The following ADAMTS16 variants were observed in gnomAD, a reference collection of about 807,000 sequenced individuals.
ADAMTS16 encodes the protein ADAM metallopeptidase with thrombospondin type 1 motif 16.
ADAMTS16 carries 94 observed loss-of-function variants against 145.8 expected under a neutral mutation model. The observed-to-expected ratio is 0.64, with a 90% CI of 0.55 to 0.77. The LOEUF is 0.77. Ranked by LOEUF, ADAMTS16 falls within the 30% of genes least tolerant of loss-of-function variation. ADAMTS16 has a pLI of 0.00. For synonymous variants in ADAMTS16, 659 were observed against 604.3 expected (o/e 1.09, Z -1.33); for missense variants, 1,585 against 1,591.5 (o/e 1.00, Z 0.07).
In ADAMTS16 at chr5:5,209,074, C is replaced by T. The variant is rs1407673592; in HGVS notation, c.1452-19C>T. 1.2e-6 allele frequency: 2 copies of T among 1,608,904 alleles called. No homozygotes were observed. Among genetic ancestry groups the T allele is most frequent in the South Asian group, 1.1e-5 (1 of 89,938 alleles). On this transcript the variant is annotated intron_variant, in intron 9 of 22. Coordinates refer to ENST00000274181, the MANE Select transcript of ADAMTS16 (RefSeq NM_139056.4). ...ACTCTACGGGCAGTTACTAGTAGCT[C>T]ATCTCCTCTTTGTTTCAGCACCGCT...
chr5:5,258,837 T>C, intron 17 of ADAMTS16, among the ~76,000 whole-genome samples: 1 of 139,098 alleles, frequency 7.2e-6, no homozygotes, highest in African/African-American at 2.5e-5. Context: ...TATGTATATG[T>C]ATATATATAT....
In ADAMTS16 at chr5:5,292,797, C is replaced by A. The variant is rs41528844; in HGVS notation, c.2790-10471C>A. On this transcript the variant is annotated intron_variant, in intron 18 of 22. Transcript: ENST00000274181. Reference sequence around the variant, plus strand: ...TGACTTCCTGCACAGCCTATCTTAACGTTCACCCCTTCTTGGGACACATTT... The same window carrying A: ...TGACTTCCTGCACAGCCTATCTTAAAGTTCACCCCTTCTTGGGACACATTT... 5.9e-5 allele frequency among the ~76,000 whole-genome samples: 9 copies of A among 152,256 alleles called. No homozygotes were observed. The East Asian group carries it at 1.2e-3, about 20-fold the overall frequency.
chr5:5,178,426 T>C (rs1398109837), intron 3 of ADAMTS16, among the ~76,000 whole-genome samples: 11 of 152,228 alleles, frequency 7.2e-5, no homozygotes, highest in African/African-American at 2.2e-4. Context: ...TTCTTCATTC[T>C]GATAAGAAGA....
At chr5:5,231,586 A>G (rs1487436525) in intron 11 of ADAMTS16, among the ~76,000 whole-genome samples, 1 of 152,166 alleles carries the variant, frequency 6.6e-6, no homozygotes, top group Non-Finnish European at 1.5e-5. Context: ...CTCGCAACAG[A>G]CAGTCTGGAC....
At chr5:5,217,021 G>A (rs1736457797) in intron 10 of ADAMTS16, among the ~76,000 whole-genome samples, 1 of 151,754 alleles carries the variant, frequency 6.6e-6, no homozygotes, top group Admixed American at 6.6e-5. Context: ...GGACATTTGG[G>A]TTGGTTCCAA....
At chr5:5,183,739 G>A (rs1232120074) in intron 4 of ADAMTS16, among the ~76,000 whole-genome samples, 2 of 152,220 alleles carry the variant, frequency 1.3e-5, no homozygotes, top group Non-Finnish European at 2.9e-5. Context: ...CCTCAGTGTG[G>A]TGTCCACATC....
chr5:5,158,935 T>G (rs1040622867), intron 3 of ADAMTS16, among the ~76,000 whole-genome samples: 1 of 152,230 alleles, frequency 6.6e-6, no homozygotes, highest in African/African-American at 2.4e-5. Context: ...GAATAGGCAC[T>G]TTCACCACCC....
At chr5:5,142,938 A>T (rs1394055069) in intron 2 of ADAMTS16, among the ~76,000 whole-genome samples, 1 of 152,214 alleles carries the variant, frequency 6.6e-6, no homozygotes, top group African/African-American at 2.4e-5. Flanking sequence ...CACATCTGAC[A>T]AAAACAAGCA....
At chr5:5,197,759 C>A (rs1219585373) in intron 8 of ADAMTS16, among the ~76,000 whole-genome samples, 1 of 152,124 alleles carries the variant, frequency 6.6e-6, no homozygotes, top group Non-Finnish European at 1.5e-5. Context: ...CTGTGTGCTA[C>A]TTTTTTATGC....
At chr5:5,191,034 C>G (rs907979239) in intron 7 of ADAMTS16, among the ~76,000 whole-genome samples, 4 of 152,110 alleles carry the variant, frequency 2.6e-5, no homozygotes, top group African/African-American at 4.8e-5. Context: ...AATGAGTGTC[C>G]CTGGTGGACA....
chr5:5,185,541 C>T (rs1050435441), intron 4 of ADAMTS16, among the ~76,000 whole-genome samples: 2 of 152,194 alleles, frequency 1.3e-5, no homozygotes, highest in Non-Finnish European at 2.9e-5. Context: ...CTGCCTCAAG[C>T]ATTTTATAAT....
At chr5:5,277,544 G>C (rs146546046) in intron 18 of ADAMTS16, among the ~76,000 whole-genome samples, 30 of 152,322 alleles carry the variant, frequency 2.0e-4, no homozygotes, top group African/African-American at 7.2e-4. Context: ...TGCAAGGCAA[G>C]AATCCATGCA....
Position 5,303,642 on chromosome 5 carries a change from G to C in ADAMTS16, c.3062G>C (p.Arg1021Thr). The change falls in exon 20 of 23, where the codon AGA becomes ACA. Residue 1021 changes from arginine (R) to threonine (T), a missense_variant. Transcript: ENST00000274181. ...VACKSTNPSARAQLLPDAVCT... is the reference protein window; with the variant it reads ...VACKSTNPSATAQLLPDAVCT... ...TGTAAGAGCACCAACCCCTCGGCCA[G>C]AGCGCAGCTGCTGCCCGACGCTGTC... is the stretch of plus-strand genomic sequence containing the variant. 1 of 1,614,116 alleles carries C rather than the reference G, an allele frequency of 6.2e-7. No homozygotes were observed. The highest frequency in any genetic ancestry group is 8.5e-7 in the Non-Finnish European group (1 of 1,180,044).
chr5:5,186,056 G>A lies in ADAMTS16; in HGVS notation c.768G>A (p.Met256Ile). 1 of 1,612,378 alleles carries A rather than the reference G, an allele frequency of 6.2e-7. No individual in the cohort carries two copies. The change falls in exon 5 of 23, where the codon ATG becomes ATA. Residue 256 changes from methionine to isoleucine, a missense_variant. Around this residue, in one of 3 missense-constraint regions of ADAMTS16, gnomAD observed 453 missense variants for 412.1 expected, o/e 1.10. Transcript: ENST00000274181. ...QHFCGRRKKY[M>I]PQPPKEDLFI... Reference sequence around the variant, plus strand: ...CCTCCATGTGTCCCTCCATAGACATGCCCCAGCCTCCCAAGGAAGACCTCT... The same window carrying A: ...CCTCCATGTGTCCCTCCATAGACATACCCCAGCCTCCCAAGGAAGACCTCT...
chr5:5,294,030 T>G (rs1053109370), intron 18 of ADAMTS16, among the ~76,000 whole-genome samples: 8 of 152,144 alleles, frequency 5.3e-5, no homozygotes, highest in Admixed American at 3.3e-4. Flanking sequence ...TGGGGAGCCA[T>G]GGAGTGTTTC....
At chr5:5,297,926 G>A (rs1425435315) in intron 18 of ADAMTS16, among the ~76,000 whole-genome samples, 1 of 152,212 alleles carries the variant, frequency 6.6e-6, no homozygotes, top group Non-Finnish European at 1.5e-5. Flanking sequence ...AGAAAATGAA[G>A]TGACTGTCAA....
chr5:5,301,297 A>G (rs1273738038), intron 18 of ADAMTS16, among the ~76,000 whole-genome samples: 1 of 152,164 alleles, frequency 6.6e-6, no homozygotes, highest in Non-Finnish European at 1.5e-5. Flanking sequence ...TCCTAGGCTT[A>G]AGCATCCTCC....
intron 18 of ADAMTS16, among the ~76,000 whole-genome samples, chr5:5,298,211 T>C (rs1417612320): frequency 1.3e-5 from 2 of 152,196 alleles, no homozygotes; most frequent in African/African-American, 2.4e-5. Flanking sequence ...TTTGGAGGAT[T>C]TGATTTCTGA....
At chr5:5,290,066 A>G (rs549850059) in intron 18 of ADAMTS16, among the ~76,000 whole-genome samples, 19 of 152,314 alleles carry the variant, frequency 1.2e-4, no homozygotes, top group Non-Finnish European at 2.5e-4. Context: ...TAGATGATGT[A>G]TTGTTTAGTA....
Sources: gnomAD v4.1 joint callset for allele counts (sites outside exome capture counted in the v4.1 genomes callset) on GRCh38, gnomAD v4.1.1 for gene constraint, gnomAD v4.1.1 regional missense constraint, MANE v1.5 for transcripts, NCBI Gene and HGNC (gene_info 2026-07-23, HGNC 2026-07-21) for gene names.